The following KIRREL3 variants were observed in gnomAD, a reference collection of about 807,000 sequenced individuals.
KIRREL3 encodes kin of IRRE-like protein 3.
In KIRREL3, 36 loss-of-function variants were observed where a neutral mutation model predicts 89.7. The observed-to-expected ratio is 0.40, with a 90% confidence interval of 0.31 to 0.53. The LOEUF (loss-of-function observed/expected upper bound fraction) is 0.53. Among genes scored for constraint, KIRREL3 ranks in the 20% least tolerant of loss-of-function variants. The pLI is 0.49. For missense variants in KIRREL3, 864 were observed against 1,056.6 expected (o/e 0.82, Z 2.53); for synonymous variants, 445 against 441.4 (o/e 1.01, Z -0.10).
chr11:126,965,691 C>G lies in KIRREL3; in HGVS notation c.55+34764G>C, dbSNP rs1949246055. ...ATCGAAACCTCAGCCAAAAGAAGAT[C>G]AATAAATATTATTTCCTTCTGACTT... is the stretch of plus-strand genomic sequence containing the variant. On this transcript the variant is annotated intron_variant, in intron 1 of 16. Coordinates refer to ENST00000525144, the MANE Select transcript of KIRREL3 (RefSeq NM_032531.4). This position sits in a 1 kb window ranked among gnomAD's most constrained non-coding sequence, Gnocchi z 4.4. Among the ~76,000 whole-genome samples, 1 of 152,150 alleles carries G rather than the reference C, an allele frequency of 6.6e-6. No homozygotes were observed. Among genetic ancestry groups the G allele is most frequent in the Admixed American group, 6.6e-5 (1 of 15,266 alleles).
intron 1 of KIRREL3, among the ~76,000 whole-genome samples, chr11:126,632,917 C>T (rs368419960): frequency 5.3e-5 from 8 of 150,254 alleles, no homozygotes; most frequent in East Asian, 2.0e-4. Flanking sequence ...TATGGTGAAA[C>T]CCCTTCTTTA....
rs1945146047 is a variant in KIRREL3, at chr11:126,872,668, C to T, written c.55+127787G>A. 6.6e-6 allele frequency among the ~76,000 whole-genome samples: 1 copy of T among 152,318 alleles called. No homozygotes were observed. Among genetic ancestry groups the T allele is most frequent in the Middle Eastern group, 3.4e-3 (1 of 294 alleles). On this transcript the variant is annotated intron_variant, in intron 1 of 16. Coordinates refer to ENST00000525144, the MANE Select transcript of KIRREL3 (RefSeq NM_032531.4). The surrounding 1 kb of genome is among the most constrained non-coding windows in gnomAD (Gnocchi z 4.2). Reference sequence around the variant, plus strand: ...GTCTATCTTTTCTTTCTCTGTCTCCCTCCTATCCCACCCCATCCTGGGCTT... The same window carrying T: ...GTCTATCTTTTCTTTCTCTGTCTCCTTCCTATCCCACCCCATCCTGGGCTT...
At chr11:126,619,867 A>G (rs982674423) in intron 1 of KIRREL3, among the ~76,000 whole-genome samples, 2 of 152,162 alleles carry the variant, frequency 1.3e-5, no homozygotes, top group Admixed American at 6.5e-5. Flanking sequence ...AAGACCCCCA[A>G]TCAAGGAACT....
Position 126,995,131 on chromosome 11 carries a change from C to A in KIRREL3, c.55+5324G>T, listed in dbSNP as rs927580173. ...GTATACTGGCTGGCTTTGCTGCTCA[C>A]TCCCTTACGAATAGCTGTGATGGGA... On this transcript the variant is annotated intron_variant, in intron 1 of 16. Transcript: ENST00000525144. This position sits in a 1 kb window ranked among gnomAD's most constrained non-coding sequence, Gnocchi z 6.5. The A allele has an allele frequency of 3.5e-5, 16 of 453,388 alleles. No individual in the cohort carries two copies. Among genetic ancestry groups the A allele is most frequent in the Non-Finnish European group, 6.2e-5 (14 of 225,890 alleles). 28.1% of individuals were successfully genotyped at this position (453,388 alleles called of 1,614,324 possible). A position where few individuals can be genotyped will look rare whatever the true frequency, so the allele number is the denominator to read the frequency against.
At chr11:126,958,651 A>G (rs1218277020) in intron 1 of KIRREL3, among the ~76,000 whole-genome samples, 2 of 152,244 alleles carry the variant, frequency 1.3e-5, no homozygotes, top group African/African-American at 2.4e-5. Context: ...TTTCACACAT[A>G]GTTTTTCTGC....
intron 1 of KIRREL3, among the ~76,000 whole-genome samples, chr11:126,822,779 G>A (rs1219058678): frequency 6.6e-6 from 1 of 152,150 alleles, no homozygotes; most frequent in Non-Finnish European, 1.5e-5. Context: ...AAGAGCCAGG[G>A]TCTGGCCAGT....
Position 126,995,075 on chromosome 11 carries a change from T to C in KIRREL3, c.55+5380A>G. 4 of 398,424 alleles carry C rather than the reference T, an allele frequency of 1.0e-5. No homozygotes were observed. The highest frequency in any genetic ancestry group is 1.5e-5 in the Non-Finnish European group (3 of 200,652). The allele number at this position is 398,424 out of a possible 1,614,324, so 24.7% of individuals were successfully genotyped here. A position where few individuals can be genotyped will look rare whatever the true frequency, so the allele number is the denominator to read the frequency against. On this transcript the variant is annotated intron_variant, in intron 1 of 16. Transcript: ENST00000525144. The surrounding 1 kb of genome is among the most constrained non-coding windows in gnomAD (Gnocchi z 6.5). Reference sequence around the variant, plus strand: ...AATAAAAATCCCACTCTACTTGGAATACAGGATGAAGCGATTACAACCTGG... The same window carrying C: ...AATAAAAATCCCACTCTACTTGGAACACAGGATGAAGCGATTACAACCTGG...
rs1946606390 is a variant in KIRREL3 at position 126,906,812 on chromosome 11, T to C, written c.55+93643A>G. 6.6e-6 allele frequency among the ~76,000 whole-genome samples: 1 copy of C among 152,228 alleles called. No individual in the cohort carries two copies. Among genetic ancestry groups the C allele is most frequent in the Admixed American group, 6.5e-5 (1 of 15,280 alleles). On this transcript the variant is annotated intron_variant, in intron 1 of 16. Transcript: ENST00000525144. This position sits in a 1 kb window ranked among gnomAD's most constrained non-coding sequence, Gnocchi z 4.1. ...TGGCTTCTTCCTGGGACGTCTGCTC[T>C]GCCTCCTGAAAGGATGGCTTTGCCT...
rs1948616304 is a variant in KIRREL3 at position 126,946,209 on chromosome 11, C to G, written c.55+54246G>C. Among the ~76,000 whole-genome samples the G allele has an allele frequency of 6.6e-6, 1 of 152,146 alleles. No individual in the cohort carries two copies. The highest frequency in any genetic ancestry group is 2.4e-5 in the African/African-American group (1 of 41,428). ...CAGAATTCAAGTTTCAGTTTTTCCC[C>G]TTAAAATGACCCTAAATCCCTTAAA... On this transcript the variant is annotated intron_variant, in intron 1 of 16. Coordinates refer to ENST00000525144, the MANE Select transcript of KIRREL3 (RefSeq NM_032531.4). The surrounding 1 kb of genome is among the most constrained non-coding windows in gnomAD (Gnocchi z 4.1).
At chr11:126,942,246 C>T (rs1258260417) in intron 1 of KIRREL3, among the ~76,000 whole-genome samples, 1 of 152,174 alleles carries the variant, frequency 6.6e-6, no homozygotes, top group Non-Finnish European at 1.5e-5. Flanking sequence ...GTATTCTCAA[C>T]CATATAGTTG....
At position 126,535,572 on chromosome 11, in the gene KIRREL3, C is replaced by CA. The variant is rs1435116179; in HGVS notation, c.134-8886_134-8885insT. On this transcript the variant is annotated intron_variant, in intron 2 of 16. Coordinates refer to ENST00000525144, the MANE Select transcript of KIRREL3 (RefSeq NM_032531.4). The surrounding 1 kb of genome is among the most constrained non-coding windows in gnomAD (Gnocchi z 4.5). ...AGGGCAGCACTGCAGGGTGCTGGGT[C>CA]GGGTGTGTGTGTGTGTGTGTGCACG... Among the ~76,000 whole-genome samples the CA allele has an allele frequency of 1.7e-5, 2 of 115,168 alleles. No homozygotes were observed. The highest frequency in any genetic ancestry group is 6.3e-4 in the East Asian group (1 of 1,598). The allele number at this position is 115,168 out of a possible 152,430, so 75.6% of individuals were successfully genotyped here.
intron 5 of KIRREL3, among the ~76,000 whole-genome samples, chr11:126,466,078 G>A (rs1956714196): frequency 6.6e-6 from 1 of 152,116 alleles, no homozygotes; most frequent in Non-Finnish European, 1.5e-5. Flanking sequence ...CCAGTGGCAG[G>A]GGAGGGAGGG....
rs1592164539 is a variant in KIRREL3 at position 126,814,003 on chromosome 11, C to T, written c.55+186452G>A. Among the ~76,000 whole-genome samples the T allele has an allele frequency of 3.3e-5, 5 of 152,100 alleles. No homozygotes were observed. The highest frequency in any genetic ancestry group is 3.3e-4 in the Admixed American group (5 of 15,270). ...CCTGCAGAATGGGAGAAAATTTTTG[C>T]AGTCTATTCAACTGACAAAGGTCTA... On this transcript the variant is annotated intron_variant, in intron 1 of 16. Transcript: ENST00000525144. This position sits in a 1 kb window ranked among gnomAD's most constrained non-coding sequence, Gnocchi z 4.4.
At chr11:126,450,727 A>G (rs565464375) in intron 7 of KIRREL3, among the ~76,000 whole-genome samples, 12 of 98,642 alleles carry the variant, frequency 1.2e-4, no homozygotes, top group South Asian at 3.0e-4. Context: ...GCATGTGTGA[A>G]TGTGGGCATG....
chr11:126,845,191 A>G (rs1470153253), intron 1 of KIRREL3, among the ~76,000 whole-genome samples: 1 of 152,094 alleles, frequency 6.6e-6, no homozygotes, highest in Non-Finnish European at 1.5e-5. Context: ...GGAAAAATGG[A>G]AAAAGATAAC....
rs1320499330 is a variant in KIRREL3, at chr11:126,989,382, G to A, written c.55+11073C>T. On this transcript the variant is annotated intron_variant, in intron 1 of 16. Transcript: ENST00000525144. The surrounding 1 kb of genome is among the most constrained non-coding windows in gnomAD (Gnocchi z 6.2). ...ACCCTGATGCAGAGAGAGCGGCAAG[G>A]GACTCTGATGGTGAGTCAGCTGAGG... is the stretch of plus-strand genomic sequence containing the variant. Among the ~76,000 whole-genome samples, 1 of 152,090 alleles carries A rather than the reference G, an allele frequency of 6.6e-6. No individual in the cohort carries two copies.
At chr11:126,851,435 A>G (rs1475253915) in intron 1 of KIRREL3, among the ~76,000 whole-genome samples, 1 of 152,212 alleles carries the variant, frequency 6.6e-6, no homozygotes, top group Non-Finnish European at 1.5e-5. Context: ...CCTTGGTGCT[A>G]TATGTGCAAA....
intron 1 of KIRREL3, among the ~76,000 whole-genome samples, chr11:126,845,161 T>C (rs1944097577): frequency 6.6e-6 from 1 of 152,176 alleles, no homozygotes; most frequent in Admixed American, 6.5e-5. Context: ...GTCTATGTTT[T>C]GTCACATGTA....
At chr11:126,826,717 A>G (rs1405449865) in intron 1 of KIRREL3, among the ~76,000 whole-genome samples, 4 of 152,186 alleles carry the variant, frequency 2.6e-5, no homozygotes, top group Non-Finnish European at 5.9e-5. Flanking sequence ...GTAGAAGCCT[A>G]TGGGGTTTCA....
Sources: gnomAD v4.1 joint callset for allele counts (sites outside exome capture counted in the v4.1 genomes callset) on GRCh38, gnomAD v4.1.1 for gene constraint, Gnocchi (gnomAD v3.1) non-coding constraint, MANE v1.5 for transcripts, NCBI Gene and HGNC (gene_info 2026-07-23, HGNC 2026-07-21) for gene names.